CECR2: variants seen among roughly 807,000 people sequenced by gnomAD.
CECR2 encodes chromatin remodeling regulator CECR2.
A neutral mutation model predicts 154.5 loss-of-function variants in CECR2; 30 were observed. That is an observed-to-expected ratio of 0.19 (90% CI 0.15 to 0.26). The LOEUF is 0.26. CECR2 is among the 10% of genes least tolerant of loss of function. The probability of loss-of-function intolerance (pLI) is 1.00; values close to 1 mark genes in which losing one functional copy is unlikely to be tolerated. For missense variants in CECR2, 1,743 were observed against 1,829.3 expected (o/e 0.95, Z 0.86); for synonymous variants, 725 against 683.7 (o/e 1.06, Z -0.94).
chr22:17,371,302 G>A (rs1021348178), intron 1 of CECR2, among the ~76,000 whole-genome samples: 1 of 152,164 alleles, frequency 6.6e-6, no homozygotes, highest in African/African-American at 2.4e-5. Flanking sequence ...GGCTTTTGGC[G>A]ATTCTTAGTT....
At chr22:17,371,191 C>A (rs1006634889) in intron 1 of CECR2, among the ~76,000 whole-genome samples, 1 of 152,138 alleles carries the variant, frequency 6.6e-6, no homozygotes, top group Admixed American at 6.6e-5. Context: ...TGGGAACTTG[C>A]TCTCGTCGCA....
At chr22:17,452,916 C>T (rs1601383743) in intron 1 of CECR2, among the ~76,000 whole-genome samples, 1 of 151,916 alleles carries the variant, frequency 6.6e-6, no homozygotes, top group African/African-American at 2.4e-5. Context: ...TTTTAATGTC[C>T]GTGTTCCTCA....
intron 13 of CECR2, among the ~76,000 whole-genome samples, chr22:17,539,421 C>G (rs975393329): frequency 1.3e-5 from 2 of 152,138 alleles, no homozygotes; most frequent in African/African-American, 4.8e-5. Context: ...ATAGAGCTGA[C>G]TCTTCAACCA....
At chr22:17,443,962 G>A (rs1013918596) in intron 1 of CECR2, among the ~76,000 whole-genome samples, 3 of 152,182 alleles carry the variant, frequency 2.0e-5, no homozygotes, top group African/African-American at 7.2e-5. Flanking sequence ...AGGCAAGGTT[G>A]TTTAGATAGT....
At chr22:17,429,566 G>GA (rs2054389995) in intron 1 of CECR2, among the ~76,000 whole-genome samples, 1 of 138,038 alleles carries the variant, frequency 7.2e-6, no homozygotes, top group African/African-American at 2.8e-5. Flanking sequence ...ACAAAGAAAA[G>GA]AAAAGAAAAA....
At chr22:17,515,017 C>T (rs577947432) in intron 8 of CECR2, among the ~76,000 whole-genome samples, 2 of 146,664 alleles carry the variant, frequency 1.4e-5, no homozygotes, top group African/African-American at 5.0e-5. Context: ...AGCAAGACTC[C>T]GTCTCAAAAA....
At chr22:17,408,602 C>T (rs988694666) in intron 1 of CECR2, among the ~76,000 whole-genome samples, 2 of 152,156 alleles carry the variant, frequency 1.3e-5, no homozygotes, top group Non-Finnish European at 2.9e-5. Context: ...CATTCCAGGT[C>T]CTGCATTAGT....
rs1202136738 is a variant in CECR2, at chr22:17,500,717, A to G, written c.632A>G (p.Gln211Arg). Residue 211 changes from glutamine to arginine, a missense_variant, in exon 5 of 19, where the codon CAG (glutamine) becomes CGG (arginine). This residue lies in a region of CECR2 where 292 missense variants were observed against 301.2 expected (regional missense o/e 0.97). Coordinates refer to ENST00000262608, the MANE Select transcript of CECR2 (RefSeq NM_001290047.2). ...RGRPPKRKKL[Q>R]EEILLSEKQE... is the part of the protein sequence containing the mutation. ...AGACCCCCAAAACGGAAGAAACTGC[A>G]GGAGGAGATTCTGTTGAGGTAAGAA... The G allele has an allele frequency of 1.9e-6, 3 of 1,553,832 alleles. No individual in the cohort carries two copies. Among genetic ancestry groups the G allele is most frequent in the Non-Finnish European group, 2.6e-6 (3 of 1,148,412 alleles).
chr22:17,393,037 C>T (rs752986041), intron 1 of CECR2, among the ~76,000 whole-genome samples: 3 of 152,172 alleles, frequency 2.0e-5, no homozygotes, highest in Non-Finnish European at 4.4e-5. Flanking sequence ...GAGACTCTGT[C>T]TCAGAAAATA....
intron 1 of CECR2, among the ~76,000 whole-genome samples, chr22:17,388,456 G>T (rs80154743): frequency 0.053 from 8,009 of 152,186 alleles, 300 homozygotes; most frequent in African/African-American, 0.11. Context: ...TGCCCAGCGG[G>T]TGGCAGAACC....
At chr22:17,453,667 G>A (rs1432607547) in intron 1 of CECR2, among the ~76,000 whole-genome samples, 5 of 152,088 alleles carry the variant, frequency 3.3e-5, no homozygotes, top group Non-Finnish European at 7.3e-5. Flanking sequence ...ATACCAACAT[G>A]ACTGGCACAA....
chr22:17,549,395 C>T lies in CECR2; in HGVS notation c.4108C>T (p.Leu1370Phe), dbSNP rs376337845. 3 of 1,613,788 alleles carry T rather than the reference C, an allele frequency of 1.9e-6. No homozygotes were observed. The highest frequency in any genetic ancestry group is 2.5e-6 in the Non-Finnish European group (3 of 1,179,874). Residue 1370 changes from leucine to phenylalanine, a missense_variant, in exon 17 of 19, where the codon CTC becomes TTC. Physicochemically the swap from Leu to Phe is conservative, Grantham distance 22. This residue lies in a region of CECR2 where 1,250 missense variants were observed against 1,192.1 expected (regional missense o/e 1.05). Coordinates refer to ENST00000262608, the MANE Select transcript of CECR2 (RefSeq NM_001290047.2). Reference protein sequence around the residue: ...PRAYSSPVAALPPHHPGATQP... With the variant: ...PRAYSSPVAAFPPHHPGATQP... ...GGCTTACTCTTCCCCTGTGGCTGCC[C>T]TCCCACCTCACCACCCAGGGGCCAC...
At position 17,376,537 on chromosome 22, in the gene CECR2, A is replaced by G. The variant is rs564421176; in HGVS notation, c.126+6628A>G. ...GCAGAGTGCGGAAAACTGCAGTGCA[A>G]AGGTGGTTTAGGTAAAAATGTGGTG... On this transcript the variant is annotated intron_variant, in intron 1 of 18. Coordinates refer to ENST00000262608, the MANE Select transcript of CECR2 (RefSeq NM_001290047.2). 4.1e-4 allele frequency among the ~76,000 whole-genome samples: 62 copies of G among 152,302 alleles called. 1 individual carries two copies. The highest frequency in any genetic ancestry group is 1.4e-3 in the African/African-American group (59 of 41,564).
intron 1 of CECR2, among the ~76,000 whole-genome samples, chr22:17,405,167 T>C (rs745686466): frequency 2.6e-5 from 4 of 152,154 alleles, no homozygotes; most frequent in Non-Finnish European, 5.9e-5. Context: ...CCCAGCACTT[T>C]GGGAAGCTGA....
chr22:17,545,561 C>CACCG (rs2056600610), intron 16 of CECR2, among the ~76,000 whole-genome samples: 1 of 151,442 alleles, frequency 6.6e-6, no homozygotes, highest in Non-Finnish European at 1.5e-5. Flanking sequence ...TAATAGATTC[C>CACCG]TGGCTGAGCA....
At chr22:17,524,597 T>A (rs1341448578) in intron 9 of CECR2, among the ~76,000 whole-genome samples, 1 of 138,412 alleles carries the variant, frequency 7.2e-6, no homozygotes, top group Non-Finnish European at 1.5e-5. Context: ...TTTCACTGTG[T>A]TAGCCAGGAT....
At chr22:17,367,176 T>C (rs1403515210), upstream of CECR2, among the ~76,000 whole-genome samples, 4 of 152,022 alleles carry the variant, frequency 2.6e-5, 1 homozygote, top group South Asian at 4.2e-4. Context: ...AGCCTTTAAA[T>C]TGGGGCTGGG....
At chr22:17,397,416 G>A (rs981317527) in intron 1 of CECR2, among the ~76,000 whole-genome samples, 7 of 152,156 alleles carry the variant, frequency 4.6e-5, no homozygotes, top group Non-Finnish European at 1.0e-4. Context: ...ACAGGCATGA[G>A]CCACTGCATC....
intron 1 of CECR2, among the ~76,000 whole-genome samples, chr22:17,425,929 C>T (rs1319475870): frequency 3.3e-5 from 5 of 152,284 alleles, no homozygotes; most frequent in Admixed American, 6.5e-5. Flanking sequence ...GTGGGAAAGG[C>T]GTCTGTGCTC....
Sources: gnomAD v4.1 joint callset for allele counts (sites outside exome capture counted in the v4.1 genomes callset) on GRCh38, gnomAD v4.1.1 for gene constraint, gnomAD v4.1.1 regional missense constraint, MANE v1.5 for transcripts, NCBI Gene and HGNC (gene_info 2026-07-23, HGNC 2026-07-21) for gene names.